The following AIG1 variants were observed in gnomAD, a reference collection of about 807,000 sequenced individuals.
AIG1 encodes androgen induced 1, also known as androgen-induced gene 1 protein.
AIG1 carries 23 observed loss-of-function variants against 31.4 expected under a neutral mutation model. The ratio of observed to expected loss-of-function variants is 0.73; its 90% CI spans 0.53 to 1.04. AIG1 has a LOEUF of 1.04. Among genes scored for constraint, AIG1 ranks in the 50% least tolerant of loss-of-function variants. The pLI is 0.00. For synonymous variants in AIG1, 100 were observed against 110.5 expected, an observed-to-expected ratio of 0.90 and a Z score of 0.60; for missense variants, 274 against 295.0, an observed-to-expected ratio of 0.93 and a Z score of 0.52.
chr6:143,249,103 T>C (rs575463837), intron 3 of AIG1, among the ~76,000 whole-genome samples: 1 of 152,316 alleles, frequency 6.6e-6, no homozygotes, highest in East Asian at 1.9e-4. Flanking sequence ...ACAAAGTAAT[T>C]TGATTGTCAC....
chr6:143,335,903 G>A (rs1009916873), intron 5 of AIG1, among the ~76,000 whole-genome samples: 4 of 149,368 alleles, frequency 2.7e-5, no homozygotes, highest in Non-Finnish European at 5.9e-5. Context: ...AGCCAAGATC[G>A]TGCCACCACA....
At chr6:143,104,867 C>G (rs1189658565) in intron 1 of AIG1, among the ~76,000 whole-genome samples, 2 of 151,726 alleles carry the variant, frequency 1.3e-5, no homozygotes, top group Non-Finnish European at 2.9e-5. Flanking sequence ...CCACTGCACT[C>G]CAGCCTGGGT....
At chr6:143,235,998 AC>A (rs1793777826) in intron 3 of AIG1, among the ~76,000 whole-genome samples, 1 of 152,166 alleles carries the variant, frequency 6.6e-6, no homozygotes, top group South Asian at 2.1e-4. Flanking sequence ...AGATGAGAAG[AC>A]CTTCCTACTT....
chr6:143,091,758 T>A (rs574975615), intron 1 of AIG1, among the ~76,000 whole-genome samples: 31 of 152,340 alleles, frequency 2.0e-4, no homozygotes, highest in African/African-American at 6.7e-4. Context: ...ATGAGAGTAC[T>A]AAAGTTAAAG....
chr6:143,343,431 G>T (rs141055964), downstream of AIG1: 1,217 of 481,636 alleles, frequency 2.5e-3, 8 homozygotes, highest in Middle Eastern at 0.018. Context: ...CTGCCGGAGA[G>T]CCCCAGGAGA....
intron 1 of AIG1, among the ~76,000 whole-genome samples, chr6:143,105,513 G>C (rs1202881261): frequency 6.6e-6 from 1 of 152,232 alleles, no homozygotes; most frequent in Non-Finnish European, 1.5e-5. Context: ...AAACACTATG[G>C]AGAGTGGGTT....
intron 2 of AIG1, among the ~76,000 whole-genome samples, chr6:143,141,382 A>G (rs1285938133): frequency 6.6e-6 from 1 of 152,224 alleles, no homozygotes; most frequent in Non-Finnish European, 1.5e-5. Context: ...GAAGCCCTAA[A>G]TATGATTTTG....
chr6:143,341,044 T>TA lies in AIG1; in HGVS notation c.*1373dup, dbSNP rs1386723420. On this transcript the variant is annotated 3_prime_UTR_variant, in exon 6 of 6. Transcript: ENST00000357847. Reference sequence around the variant, plus strand: ...GTTACATTTAAATGTAATTAAATGCTAAAAATCTCTCTTCCTTCCGTCTCT... The same window carrying TA: ...GTTACATTTAAATGTAATTAAATGCTAAAAAATCTCTCTTCCTTCCGTCTCT... 6.6e-6 allele frequency among the ~76,000 whole-genome samples: 1 copy of TA among 152,200 alleles called. No individual in the cohort carries two copies. Among genetic ancestry groups the TA allele is most frequent in the African/African-American group, 2.4e-5 (1 of 41,446 alleles).
At chr6:143,068,124 C>T (rs1776889785) in intron 1 of AIG1, among the ~76,000 whole-genome samples, 1 of 152,194 alleles carries the variant, frequency 6.6e-6, no homozygotes, top group South Asian at 2.1e-4. Context: ...AGTCATCTGA[C>T]CACTAGTTGA....
intron 2 of AIG1, among the ~76,000 whole-genome samples, chr6:143,157,733 ATCTT>A (rs1298343078): frequency 6.6e-6 from 1 of 151,990 alleles, no homozygotes; most frequent in African/African-American, 2.4e-5. Flanking sequence ...CTCTTGCTCT[ATCTT>A]CTATCGAATC....
In AIG1 at chr6:143,192,089, T is replaced by G. The variant is rs184996973; in HGVS notation, c.399+26906T>G. Among the ~76,000 whole-genome samples, 340 of 152,354 alleles carry G rather than the reference T, an allele frequency of 2.2e-3. 1 individual carries two copies. The highest frequency in any genetic ancestry group is 0.017 in the Middle Eastern group (5 of 294). The stretch of plus-strand genomic sequence containing the variant: ...GTGATAAAATCAATTGTTTAATTGC[T>G]TTAAACTTTTAACTTCAGTGCTGGT... On this transcript the variant is annotated intron_variant, in intron 3 of 5. Coordinates refer to ENST00000357847, the MANE Select transcript of AIG1 (RefSeq NM_016108.4).
At chr6:143,086,377 C>T (rs969588571) in intron 1 of AIG1, among the ~76,000 whole-genome samples, 45 of 147,710 alleles carry the variant, frequency 3.0e-4, no homozygotes, top group Non-Finnish European at 6.0e-4. Flanking sequence ...TTCTGCCTCT[C>T]TTTCCCCACC....
chr6:143,243,694 G>C (rs746478236), intron 3 of AIG1, among the ~76,000 whole-genome samples: 1 of 152,262 alleles, frequency 6.6e-6, no homozygotes, highest in East Asian at 1.9e-4. Flanking sequence ...GGAGACTTTC[G>C]ATGAATTGAT....
intron 3 of AIG1, among the ~76,000 whole-genome samples, chr6:143,227,624 T>C (rs1793096690): frequency 6.6e-6 from 1 of 152,220 alleles, no homozygotes; most frequent in African/African-American, 2.4e-5. Flanking sequence ...CTTGATCTCT[T>C]TGGAGTAATT....
Position 143,268,306 on chromosome 6 carries a change from T to G in AIG1, c.400-15804T>G, listed in dbSNP as rs1796290122. 6.6e-6 allele frequency among the ~76,000 whole-genome samples: 1 copy of G among 152,138 alleles called. No homozygotes were observed. The highest frequency in any genetic ancestry group is 1.5e-5 in the Non-Finnish European group (1 of 68,022). ...CTCTGCCTCATGAGGGAATTAGCAC[T>G]TGGTATTGTCTGTACGACTGGCATT... On this transcript the variant is annotated intron_variant, in intron 3 of 5. Coordinates refer to ENST00000357847, the MANE Select transcript of AIG1 (RefSeq NM_016108.4). This position sits in a 1 kb window ranked among gnomAD's most constrained non-coding sequence, Gnocchi z 5.0.
intron 3 of AIG1, among the ~76,000 whole-genome samples, chr6:143,199,578 G>T (rs181506440): frequency 6.6e-6 from 1 of 152,264 alleles, no homozygotes; most frequent in African/African-American, 2.4e-5. Flanking sequence ...CTGTACTCCA[G>T]TTAAGTGCTT....
chr6:143,129,381 T>G (rs1783016442), intron 1 of AIG1, among the ~76,000 whole-genome samples: 1 of 152,124 alleles, frequency 6.6e-6, no homozygotes, highest in Non-Finnish European at 1.5e-5. Context: ...TTTGGGGAAG[T>G]CTTCTTAGCA....
intron 4 of AIG1, among the ~76,000 whole-genome samples, chr6:143,285,875 A>G (rs1050339493): frequency 2.6e-5 from 4 of 152,204 alleles, no homozygotes; most frequent in Non-Finnish European, 5.9e-5. Flanking sequence ...TGTCCTTTAT[A>G]CATATGAACT....
chr6:143,314,385 A>G (rs1232666345), intron 4 of AIG1, among the ~76,000 whole-genome samples: 1 of 151,776 alleles, frequency 6.6e-6, no homozygotes, highest in East Asian at 1.9e-4. Flanking sequence ...AGGGAGAAAG[A>G]ACTGTCTTTA....
Sources: allele counts gnomAD v4.1 joint callset (sites outside exome capture counted in the v4.1 genomes callset), GRCh38; gene constraint gnomAD v4.1.1; non-coding constraint Gnocchi (gnomAD v3.1); transcripts MANE v1.5; gene names NCBI Gene and HGNC (gene_info 2026-07-23, HGNC 2026-07-21).